Variants in ALG9 observed in about 807,000 individuals in gnomAD.
The protein encoded by ALG9 is alpha-1,2-mannosyltransferase ALG9.
ALG9 carries 55 observed loss-of-function variants against 81.8 expected under a neutral mutation model. That is an observed-to-expected ratio of 0.67 (90% confidence interval 0.54 to 0.84). ALG9 has a LOEUF of 0.84. Among genes scored for constraint, ALG9 ranks in the 40% least tolerant of loss-of-function variants. The pLI is 0.00. For synonymous variants in ALG9, 278 were observed against 274.3 expected (o/e 1.01, Z -0.13); for missense variants, 629 against 745.0 (o/e 0.84, Z 1.81).
intron 14 of ALG9, among the ~76,000 whole-genome samples, chr11:111,794,213 C>CA (rs1555073234): frequency 1.3e-5 from 2 of 152,202 alleles, no homozygotes; most frequent in South Asian, 4.1e-4. Context: ...CTGATGTCAC[C>CA]AGTTCAGCAG....
In ALG9 at chr11:111,870,385, A is replaced by T; in HGVS notation, c.132-15T>A. 1 of 862,002 alleles carries T rather than the reference A, an allele frequency of 1.2e-6. No individual in the cohort carries two copies. Among genetic ancestry groups the T allele is most frequent in the Non-Finnish European group, 1.6e-6 (1 of 637,790 alleles). 53.4% of individuals were successfully genotyped at this position (862,002 alleles called of 1,614,324 possible). A position where few individuals can be genotyped will look rare whatever the true frequency, so the allele number is the denominator to read the frequency against. On this transcript the variant is annotated splice_polypyrimidine_tract_variant and intron_variant, in intron 1 of 14. Coordinates refer to ENST00000616540, the MANE Select transcript of ALG9 (RefSeq NM_024740.2). ...TCCCAGATAACCTGTTCAAAAGCAAAAAAAAAAAAAAAAAAAAAAGCATGT... is the reference window on the plus strand; with the variant it reads ...TCCCAGATAACCTGTTCAAAAGCAATAAAAAAAAAAAAAAAAAAAGCATGT...
intron 13 of ALG9, among the ~76,000 whole-genome samples, chr11:111,826,066 CAATAATAATAAT>C (rs4026118): frequency 3.0e-5 from 4 of 132,684 alleles, no homozygotes; most frequent in Non-Finnish European, 4.7e-5. Context: ...AACTCCGTCT[CAATAATAATAAT>C]AATAATAATA....
intron 14 of ALG9, among the ~76,000 whole-genome samples, chr11:111,808,534 A>G (rs1341642146): frequency 2.6e-5 from 4 of 152,190 alleles, no homozygotes; most frequent in Non-Finnish European, 5.9e-5. Flanking sequence ...TTAGGGACCC[A>G]TGCCTTTCTC....
intron 4 of ALG9, among the ~76,000 whole-genome samples, chr11:111,861,578 C>A (rs951785553): frequency 3.9e-5 from 6 of 152,088 alleles, no homozygotes; most frequent in Non-Finnish European, 8.8e-5. Flanking sequence ...TTCAATGGAA[C>A]CTCCTGCCTC....
intron 13 of ALG9, among the ~76,000 whole-genome samples, chr11:111,811,091 A>G (rs1555090955): frequency 6.6e-6 from 1 of 152,248 alleles, no homozygotes; most frequent in East Asian, 1.9e-4. Context: ...TTATTAAGAC[A>G]GTTTAGCAAA....
chr11:111,827,867 CAAAA>C (rs781817579), intron 13 of ALG9, among the ~76,000 whole-genome samples: 1 of 62,174 alleles, frequency 1.6e-5, no homozygotes. Context: ...ACTCTGTCTC[CAAAA>C]AAAAAAAAAA....
chr11:111,782,756 C>A lies in ALG9; in HGVS notation c.*3641G>T, dbSNP rs1191588212. 1.3e-5 allele frequency: 2 copies of A among 152,146 alleles called. No homozygotes were observed. The highest frequency in any genetic ancestry group is 2.9e-5 in the Non-Finnish European group (2 of 68,028). The allele number at this position is 152,146 out of a possible 1,614,324, so 9.4% of individuals were successfully genotyped here. A position where few individuals can be genotyped will look rare whatever the true frequency, so the allele number is the denominator to read the frequency against. ...CACTGGAGCTTTGCCCAAATGGTCACCGTAGACCTCATGCTGCAGAATCAT... is the reference window on the plus strand; with the variant it reads ...CACTGGAGCTTTGCCCAAATGGTCAACGTAGACCTCATGCTGCAGAATCAT... On this transcript the variant is annotated 3_prime_UTR_variant, in exon 15 of 15. Coordinates refer to ENST00000616540, the MANE Select transcript of ALG9 (RefSeq NM_024740.2).
At chr11:111,793,946 C>T (rs1947852986) in intron 14 of ALG9, among the ~76,000 whole-genome samples, 2 of 152,176 alleles carry the variant, frequency 1.3e-5, no homozygotes, top group South Asian at 2.1e-4. Flanking sequence ...GCACAGGCAG[C>T]GTGATTCAGG....
At chr11:111,833,721 T>A (rs1266023892) in intron 13 of ALG9, among the ~76,000 whole-genome samples, 1 of 152,210 alleles carries the variant, frequency 6.6e-6, no homozygotes. Flanking sequence ...CCAGCAGACA[T>A]AAATCACTTG....
At position 111,825,927 on chromosome 11, in the gene ALG9, C is replaced by T. The variant is rs549791433; in HGVS notation, c.1602+10238G>A. On this transcript the variant is annotated intron_variant, in intron 13 of 14. Coordinates refer to ENST00000616540, the MANE Select transcript of ALG9 (RefSeq NM_024740.2). ...AAAATACACAACTAGCCAGGCATGG[C>T]GGCGCATGCCTTCATGAAATCCCAG... 1.4e-4 allele frequency among the ~76,000 whole-genome samples: 21 copies of T among 151,768 alleles called. No homozygotes were observed. In the East Asian group the frequency reaches 3.5e-3, roughly 25 times the overall value.
chr11:111,804,082 AAG>A (rs201444524), intron 14 of ALG9, among the ~76,000 whole-genome samples: 2,038 of 150,252 alleles, frequency 0.014, 55 homozygotes, highest in African/African-American at 0.047. Flanking sequence ...GCAGTGAGTC[AAG>A]AGTGTGCCAC....
chr11:111,836,289 T>C lies in ALG9; in HGVS notation c.1478A>G (p.Gln493Arg). Residue 493 changes from glutamine to arginine, a missense_variant, in exon 13 of 15, where the codon CAG becomes CGG. Transcript: ENST00000616540. ...GAACTCTGATGGAATGAACTGAAGC[T>C]GCCAACTGTCAGAAACACAAGGAGA... is the stretch of plus-strand genomic sequence containing the variant. Reference protein sequence around the residue: ...PSSFLLPDNWQLQFIPSEFRG... With the variant: ...PSSFLLPDNWRLQFIPSEFRG... 1 of 1,614,114 alleles carries C rather than the reference T, an allele frequency of 6.2e-7. No individual in the cohort carries two copies. The highest frequency in any genetic ancestry group is 2.2e-5 in the East Asian group (1 of 44,880).
the ALG9 span, among the ~76,000 whole-genome samples, chr11:111,768,340 A>G: frequency 1.3e-5 from 2 of 152,132 alleles, no homozygotes; most frequent in African/African-American, 4.8e-5. Flanking sequence ...AATAGTATTC[A>G]TTTTGTGGTT....
chr11:111,797,397 T>A (rs905905849), intron 14 of ALG9, among the ~76,000 whole-genome samples: 1 of 152,206 alleles, frequency 6.6e-6, no homozygotes, highest in African/African-American at 2.4e-5. Context: ...AGAGCCAGCA[T>A]CCAGACATAT....
intron 9 of ALG9, among the ~76,000 whole-genome samples, chr11:111,842,149 G>A (rs940189447): frequency 1.3e-5 from 2 of 152,070 alleles, no homozygotes; most frequent in Non-Finnish European, 2.9e-5. Context: ...CACCCGCCTC[G>A]GCCTCTCAAA....
chr11:111,835,077 ATGTGGCTGCAGGTTTGC>A (rs781982139), intron 13 of ALG9, among the ~76,000 whole-genome samples: 8,093 of 152,278 alleles, frequency 0.053, 710 homozygotes, highest in African/African-American at 0.18. Context: ...AAAAGACCAG[ATGTGGCTGCAGGTTTGC>A]TTCAGAAGAG....
At chr11:111,828,773 A>G (rs1953815021) in intron 13 of ALG9, 2 of 152,214 alleles carry the variant, frequency 1.3e-5, no homozygotes, top group Non-Finnish European at 2.9e-5. Context: ...AGCCCCCATT[A>G]CAGTTATTTT....
In ALG9 at chr11:111,819,298, T is replaced by A. The variant is rs147045656; in HGVS notation, c.1603-9525A>T. Among the ~76,000 whole-genome samples, 170 of 152,318 alleles carry A rather than the reference T, an allele frequency of 1.1e-3. 1 individual carries two copies. The highest frequency in any genetic ancestry group is 3.7e-3 in the African/African-American group (154 of 41,564). On this transcript the variant is annotated intron_variant, in intron 13 of 14. Transcript: ENST00000616540. ...ATGTGAAGTTGCATTCAATCATCTA[T>A]CAGCTGGAAATGACAATGACGCAAG...
chr11:111,809,648 A>G lies in ALG9; in HGVS notation c.1728T>C (p.Ala576=), dbSNP rs1245126331. The G allele has an allele frequency of 6.2e-7, 1 of 1,614,078 alleles. No homozygotes were observed. Among genetic ancestry groups the G allele is most frequent in the South Asian group, 1.1e-5 (1 of 91,080 alleles). ...ISLAYRPFLD[A]SRSSKLLRAF... is the part of the protein sequence containing the mutation. ...ATAGGATTAAAGCCACATACCTAGA[A>G]GCATCAAGGAATGGTCTATAGGCCA... Residue 576 remains alanine, a synonymous_variant, in exon 14 of 15, where the codon GCT becomes GCC. Transcript: ENST00000616540.
Sources: allele counts gnomAD v4.1 joint callset (sites outside exome capture counted in the v4.1 genomes callset), GRCh38; gene constraint gnomAD v4.1.1; transcripts MANE v1.5; gene names NCBI Gene and HGNC (gene_info 2026-07-23, HGNC 2026-07-21).